Variants in POLE observed in about 807,000 individuals in gnomAD.
The protein encoded by POLE is DNA polymerase epsilon, catalytic subunit.
POLE carries 188 observed loss-of-function variants against 279.2 expected under a neutral mutation model. That is an observed-to-expected ratio of 0.67 (90% CI 0.60 to 0.76). POLE has a LOEUF of 0.76. Ranked by LOEUF, POLE falls within the 30% of genes least tolerant of loss-of-function variation. The probability of loss-of-function intolerance (pLI) is 0.00; values close to 1 mark genes in which losing one functional copy is unlikely to be tolerated. For missense variants in POLE, 2,703 were observed against 3,016.7 expected (o/e 0.90, Z 2.44); for synonymous variants, 1,214 against 1,172.5 (o/e 1.04, Z -0.72).
At chr12:132,643,672 C>A (rs1321164378) in intron 33 of POLE, 112 bp from the exon 34 acceptor site, 4 of 1,516,156 alleles carry the variant, frequency 2.6e-6, no homozygotes, top group African/African-American at 1.4e-5. Context: ...CGGCCCACTG[C>A]CCAAAGGCCA....
Position 132,672,835 on chromosome 12 carries a change from A to G in POLE, c.1478T>C (p.Leu493Pro). The G allele has an allele frequency of 6.2e-7, 1 of 1,613,532 alleles. No homozygotes were observed. The highest frequency in any genetic ancestry group is 1.1e-5 in the South Asian group (1 of 91,012). ...ACACAGAGTGCCAGAGCCCTTCCGCAGCACCTGCAAGAGAAACCAAGGCTT... is the reference window on the plus strand; with the variant it reads ...ACACAGAGTGCCAGAGCCCTTCCGCGGCACCTGCAAGAGAAACCAAGGCTT... The part of the protein sequence containing the change: ...TIIPMEPDEV[L>P]RKGSGTLCEA... Residue 493 changes from leucine (L) to proline (P), a missense_variant, in exon 15 of 49, where the codon CTG becomes CCG. By Grantham distance (98) the Leu-to-Pro change is moderately conservative (BLOSUM62 -3). Transcript: ENST00000320574.
At chr12:132,657,529 T>A in intron 27 of POLE, 100 bp from the exon 28 acceptor site, 1 of 994,866 alleles carries the variant, frequency 1.0e-6, no homozygotes, top group Non-Finnish European at 1.5e-6. Context: ...GTGTCTTATT[T>A]AATCCTCTCA....
intron 37 of POLE, 30 bp downstream of exon 37, chr12:132,642,476 A>G: frequency 1.9e-6 from 3 of 1,604,692 alleles, no homozygotes; most frequent in Non-Finnish European, 2.6e-6. Flanking sequence ...CCTGGGGACC[A>G]CTGGCCCACA....
Position 132,664,594 on chromosome 12 carries a change from C to T in POLE, c.2469-132G>A. 2.8e-6 allele frequency: 2 copies of T among 707,476 alleles called. No individual in the cohort carries two copies. The highest frequency in any genetic ancestry group is 2.0e-5 in the Admixed American group (1 of 48,884). 43.8% of individuals were successfully genotyped at this position (707,476 alleles called of 1,614,324 possible). A position where few individuals can be genotyped will look rare whatever the true frequency, so the allele number is the denominator to read the frequency against. ...AGGGAAGCAGCCAAATGTGCGTGCA[C>T]CAGGACAGAACTAAGGTGGAATCTG... On this transcript the variant is annotated intron_variant, in intron 21 of 48. Coordinates refer to ENST00000320574, the MANE Select transcript of POLE (RefSeq NM_006231.4). The surrounding 1 kb of genome is among the most constrained non-coding windows in gnomAD (Gnocchi z 5.3).
At position 132,687,293 on chromosome 12, in the gene POLE, C is replaced by G; in HGVS notation, c.23G>C (p.Arg8Pro). Residue 8 changes from arginine to proline, a missense_variant, in exon 1 of 49, where the codon CGG (arginine) becomes CCG (proline). Around this residue, in one of 5 missense-constraint regions of POLE, gnomAD observed 1,011 missense variants for 1,111.7 expected, o/e 0.91. Transcript: ENST00000320574. MSLRSGGRRRADPGADGE... is the reference protein window; with the variant it reads MSLRSGGPRRADPGADGE... Reference sequence around the variant, plus strand: ...ATCCGCGCCTGGGTCCGCGCGCCGCCGCCCGCCGCTCCTCAGAGACATGGA... The same window carrying G: ...ATCCGCGCCTGGGTCCGCGCGCCGCGGCCCGCCGCTCCTCAGAGACATGGA... The G allele has an allele frequency of 6.6e-7, 1 of 1,504,500 alleles. No homozygotes were observed. The allele number at this position is 1,504,500 out of a possible 1,614,324, so 93.2% of individuals were successfully genotyped here. A position where few individuals can be genotyped will look rare whatever the true frequency, so the allele number is the denominator to read the frequency against.
Position 132,675,986 on chromosome 12 carries a change from C to T in POLE, c.1020+108G>A. 1.1e-6 allele frequency: 1 copy of T among 934,778 alleles called. No individual in the cohort carries two copies. Among genetic ancestry groups the T allele is most frequent in the Non-Finnish European group, 1.7e-6 (1 of 599,816 alleles). 57.9% of individuals were successfully genotyped at this position (934,778 alleles called of 1,614,324 possible). A position where few individuals can be genotyped will look rare whatever the true frequency, so the allele number is the denominator to read the frequency against. ...AGACGGTCATACCCTGAGAACAAAG[C>T]TCATGGAGCTGCAATTCTGATCTGA... On this transcript the variant is annotated intron_variant, in intron 10 of 48. Coordinates refer to ENST00000320574, the MANE Select transcript of POLE (RefSeq NM_006231.4). This position sits in a 1 kb window ranked among gnomAD's most constrained non-coding sequence, Gnocchi z 4.3.
At position 132,642,805 on chromosome 12, in the gene POLE, C is replaced by T; in HGVS notation, c.4728+15G>A. On this transcript the variant is annotated intron_variant, in intron 36 of 48. Coordinates refer to ENST00000320574, the MANE Select transcript of POLE (RefSeq NM_006231.4). ...GAAGATGGGGCTCACACAGCAAGAC[C>T]CCAACCACTCTCACCTTGTAGGCGA... The T allele has an allele frequency of 6.2e-7, 1 of 1,613,834 alleles. No individual in the cohort carries two copies. Among genetic ancestry groups the T allele is most frequent in the Non-Finnish European group, 8.5e-7 (1 of 1,179,914 alleles).
intron 29 of POLE, among the ~76,000 whole-genome samples, chr12:132,652,731 C>T (rs137940888): frequency 7.9e-5 from 12 of 152,172 alleles, no homozygotes; most frequent in Non-Finnish European, 1.5e-5. Flanking sequence ...GATCTGTGAC[C>T]TACCAACTTC....
intron 29 of POLE, among the ~76,000 whole-genome samples, chr12:132,655,000 T>G (rs2042502410): frequency 6.6e-6 from 1 of 152,162 alleles, no homozygotes; most frequent in South Asian, 2.1e-4. Context: ...ATTCCTGGGC[T>G]CAAGCAATCC....
intron 45 of POLE, among the ~76,000 whole-genome samples, chr12:132,630,941 A>T (rs1566313017): frequency 6.6e-6 from 1 of 152,256 alleles, no homozygotes; most frequent in Admixed American, 6.5e-5. Context: ...CAAGTTAAAC[A>T]AACACTTAAA....
chr12:132,656,580 C>T (rs982007024), intron 29 of POLE, among the ~76,000 whole-genome samples: 1 of 152,074 alleles, frequency 6.6e-6, no homozygotes, highest in South Asian at 2.1e-4. Flanking sequence ...GGATTGTCTC[C>T]ATCTCCTGAC....
At chr12:132,660,938 G>A (rs374679430) in intron 25 of POLE, 31 bp downstream of exon 25, 1 of 1,527,418 alleles carries the variant, frequency 6.5e-7, no homozygotes, top group Non-Finnish European at 8.9e-7. Context: ...TCATCCCTCA[G>A]AGCAGGTGAG....
At chr12:132,665,542 T>C in intron 20 of POLE, 92 bp from the exon 21 acceptor site, 1 of 1,427,670 alleles carries the variant, frequency 7.0e-7, no homozygotes. Flanking sequence ...TTTTGAAAAT[T>C]TTCAAATCTA....
chr12:132,635,845 A>G, intron 42 of POLE, 47 bp downstream of exon 42: 1 of 1,575,040 alleles, frequency 6.3e-7, no homozygotes. Flanking sequence ...GCAGGAATGA[A>G]CGCGACCCCC....
intron 2 of POLE, 124 bp downstream of exon 2, chr12:132,681,014 T>C: frequency 2.5e-6 from 3 of 1,181,626 alleles, no homozygotes; most frequent in Non-Finnish European, 3.6e-6. Context: ...CTGGGAACCT[T>C]CACATCTCCC....
Position 132,634,348 on chromosome 12 carries a change from C to A in POLE, c.5842G>T (p.Asp1948Tyr), listed in dbSNP as rs748652801. 1.2e-6 allele frequency: 2 copies of A among 1,613,788 alleles called. No homozygotes were observed. Among genetic ancestry groups the A allele is most frequent in the African/African-American group, 2.7e-5 (2 of 74,934 alleles). The change falls in exon 43 of 49, where the codon GAT (aspartate) becomes TAT (tyrosine). Residue 1948 changes from aspartate (D) to tyrosine (Y), a missense_variant. Physicochemically the swap from Asp to Tyr is radical, Grantham distance 160. Transcript: ENST00000320574. This position sits in a 1 kb window ranked among gnomAD's most constrained non-coding sequence, Gnocchi z 4.0. ...QDSQKAGGAE[D>Y]EQENEDDEEE... ...TCATCGTCCTCATTTTCCTGCTCAT[C>A]CTCTGCTCCCCCTGCTTTCTGGGAG...
At chr12:132,683,468 A>G (rs2043209490) in intron 1 of POLE, among the ~76,000 whole-genome samples, 1 of 152,222 alleles carries the variant, frequency 6.6e-6, no homozygotes, top group African/African-American at 2.4e-5. Context: ...CTAAAACCGT[A>G]AGAGAATAAA....
chr12:132,687,006 A>T (rs994184768), intron 1 of POLE, among the ~76,000 whole-genome samples: 1 of 151,076 alleles, frequency 6.6e-6, no homozygotes, highest in African/African-American at 2.4e-5. Flanking sequence ...CCTCAGAAAG[A>T]GCCGAGCAGG....
Position 132,624,888 on chromosome 12 carries a change from G to C in POLE, c.6747+17C>G. ...AAGGAGGCCAGGCTGAGCCGAGGCA[G>C]ATGAGGGAGAGCCCACCTGGGTGTG... On this transcript the variant is annotated intron_variant, in intron 48 of 48. Coordinates refer to ENST00000320574, the MANE Select transcript of POLE (RefSeq NM_006231.4). The C allele has an allele frequency of 3.7e-6, 6 of 1,611,188 alleles. No individual in the cohort carries two copies. Among genetic ancestry groups the C allele is most frequent in the Non-Finnish European group, 5.1e-6 (6 of 1,177,276 alleles).
Sources: allele counts gnomAD v4.1 joint callset (sites outside exome capture counted in the v4.1 genomes callset), GRCh38; gene constraint gnomAD v4.1.1; regional missense constraint gnomAD v4.1.1; non-coding constraint Gnocchi (gnomAD v3.1); transcripts MANE v1.5; gene names NCBI Gene and HGNC (gene_info 2026-07-23, HGNC 2026-07-21).